Variants in DYNC1H1 observed in about 807,000 individuals in gnomAD.
DYNC1H1 encodes the protein cytoplasmic dynein 1 heavy chain 1.
DYNC1H1 carries 51 observed loss-of-function variants against 527.1 expected under a neutral mutation model. The observed-to-expected ratio is 0.10, with a 90% CI of 0.08 to 0.12. The LOEUF is 0.12. Ranked by LOEUF, DYNC1H1 falls within the 10% of genes least tolerant of loss-of-function variation. DYNC1H1 has a pLI of 1.00. For missense variants in DYNC1H1, 2,771 were observed against 5,971.8 expected (o/e 0.46, Z 17.66); for synonymous variants, 2,189 against 2,278.8 (o/e 0.96, Z 1.12).
At chr14:102,009,311 C>T (rs1006454430) in intron 29 of DYNC1H1, 2 of 161,252 alleles carry the variant, frequency 1.2e-5, no homozygotes, top group Non-Finnish European at 2.7e-5. Flanking sequence ...ATTCCCCAGA[C>T]CTCCTAAATA....
chr14:102,032,987 T>A (rs2048527772), intron 52 of DYNC1H1, 78 bp from the exon 53 acceptor site: 1 of 1,449,466 alleles, frequency 6.9e-7, no homozygotes, highest in South Asian at 1.1e-5. Flanking sequence ...GGCTCTGGTC[T>A]CTTCCATTTT....
At chr14:101,995,628 T>A (rs2048051951) in intron 15 of DYNC1H1, among the ~76,000 whole-genome samples, 1 of 146,938 alleles carries the variant, frequency 6.8e-6, no homozygotes, top group Non-Finnish European at 1.5e-5. Flanking sequence ...AAAAAAAAAA[T>A]TACACTAGAT....
intron 44 of DYNC1H1, 157 bp downstream of exon 44, chr14:102,026,864 T>A: frequency 1.8e-6 from 2 of 1,134,356 alleles, no homozygotes; most frequent in African/African-American, 1.5e-5. Flanking sequence ...AAGTCCAGCT[T>A]AACCATCCTC....
intron 27 of DYNC1H1, 134 bp downstream of exon 27, chr14:102,006,304 G>A (rs2048195855): frequency 7.5e-7 from 1 of 1,339,970 alleles, no homozygotes; most frequent in African/African-American, 1.5e-5. Flanking sequence ...GTGCGATCTT[G>A]GCTCACTGCA....
intron 27 of DYNC1H1, among the ~76,000 whole-genome samples, chr14:102,006,564 A>G (rs914765391): frequency 1.3e-5 from 2 of 149,752 alleles, no homozygotes; most frequent in African/African-American, 4.9e-5. Flanking sequence ...TGGTGTGTAC[A>G]TTCTAAAATC....
chr14:102,036,236 ATTTT>A lies in DYNC1H1; in HGVS notation c.10755-251_10755-248del. The A allele has an allele frequency of 1.1e-5, 5 of 461,694 alleles. No homozygotes were observed. The highest frequency in any genetic ancestry group is 1.0e-4 in the South Asian group (5 of 48,374). 28.6% of individuals were successfully genotyped at this position (461,694 alleles called of 1,614,324 possible). On this transcript the variant is annotated intron_variant, in intron 56 of 77. Transcript: ENST00000360184. The surrounding 1 kb of genome is among the most constrained non-coding windows in gnomAD (Gnocchi z 5.6). ...GGATGATTGTCCCAGAAGGAAAAAG[ATTTT>A]TAACTATGGCCCTCTTGGTGTATGA...
chr14:101,996,177 T>A lies in DYNC1H1; in HGVS notation c.3565-858T>A, dbSNP rs535037303. ...TGGAGTCTCGCTCTGTCACCCAGGT[T>A]GGGGTACAGTGGTGTGATCTCGGCT... On this transcript the variant is annotated intron_variant, in intron 15 of 77. Transcript: ENST00000360184. Among the ~76,000 whole-genome samples, 233 of 151,262 alleles carry A rather than the reference T, an allele frequency of 1.5e-3. 1 individual carries two copies. The highest frequency in any genetic ancestry group is 5.4e-3 in the African/African-American group (224 of 41,270).
intron 29 of DYNC1H1, among the ~76,000 whole-genome samples, chr14:102,008,676 A>G (rs140797778): frequency 7.9e-5 from 12 of 152,222 alleles, no homozygotes; most frequent in Non-Finnish European, 1.6e-4. Context: ...AATCCCAGCT[A>G]TTCGGAAGGC....
At chr14:102,048,469 GA>G (rs2048757739) in intron 73 of DYNC1H1, 46 bp from the exon 74 acceptor site, 2 of 1,613,214 alleles carry the variant, frequency 1.2e-6, no homozygotes, top group Non-Finnish European at 1.7e-6. Context: ...TTACACTGGA[GA>G]AAGGACCTCT....
intron 41 of DYNC1H1, among the ~76,000 whole-genome samples, chr14:102,019,520 C>G (rs1010381418): frequency 6.6e-6 from 1 of 152,174 alleles, no homozygotes; most frequent in African/African-American, 2.4e-5. Flanking sequence ...ATATTTAAAT[C>G]GTTAAATATA....
intron 43 of DYNC1H1, among the ~76,000 whole-genome samples, chr14:102,025,869 G>A (rs530992030): frequency 1.0e-3 from 156 of 152,268 alleles, no homozygotes; most frequent in Admixed American, 1.6e-3. Context: ...TGTAATCCCA[G>A]CACTTTGGGA....
intron 8 of DYNC1H1, among the ~76,000 whole-genome samples, 170 bp from the exon 9 acceptor site, chr14:101,987,283 A>G (rs933625640): frequency 5.3e-5 from 8 of 152,222 alleles, no homozygotes; most frequent in Non-Finnish European, 8.8e-5. Flanking sequence ...CTCTGCAAGG[A>G]CATGCGAGTG....
rs2048660419 is a variant in DYNC1H1, at chr14:102,042,205, A to G, written c.12215-23A>G. 6.2e-7 allele frequency: 1 copy of G among 1,613,982 alleles called. No individual in the cohort carries two copies. The highest frequency in any genetic ancestry group is 8.5e-7 in the Non-Finnish European group (1 of 1,179,996). On this transcript the variant is annotated intron_variant, in intron 66 of 77. Coordinates refer to ENST00000360184, the MANE Select transcript of DYNC1H1 (RefSeq NM_001376.5). This position sits in a 1 kb window ranked among gnomAD's most constrained non-coding sequence, Gnocchi z 5.7. ...ATTGATGTCCGAGGCTGCCGCTGCT[A>G]ACACTAAGTTTCCCTGCACCAGGCT...
At position 102,018,768 on chromosome 14, in the gene DYNC1H1, C is replaced by A; in HGVS notation, c.8343+152C>A. On this transcript the variant is annotated intron_variant, in intron 41 of 77. Transcript: ENST00000360184. This position sits in a 1 kb window ranked among gnomAD's most constrained non-coding sequence, Gnocchi z 5.2. ...TTGAGCCCAGGAGTTTGAGACCAGT[C>A]TGGACAACATGGCAAAACCCTGTCT... is the stretch of plus-strand genomic sequence containing the variant. The A allele has an allele frequency of 9.6e-7, 1 of 1,038,500 alleles. No individual in the cohort carries two copies. Among genetic ancestry groups the A allele is most frequent in the Non-Finnish European group, 1.4e-6 (1 of 699,956 alleles). The allele number at this position is 1,038,500 out of a possible 1,614,324, so 64.3% of individuals were successfully genotyped here.
rs117724973 is a variant in DYNC1H1 at position 102,022,208 on chromosome 14, G to A, written c.8508-543G>A. Among the ~76,000 whole-genome samples the A allele has an allele frequency of 2.8e-4, 43 of 152,088 alleles. No homozygotes were observed. The East Asian group carries it at 8.2e-3, about 29-fold the overall frequency. On this transcript the variant is annotated intron_variant, in intron 42 of 77. Coordinates refer to ENST00000360184, the MANE Select transcript of DYNC1H1 (RefSeq NM_001376.5). ...GCTGTAAGTAAGTAAGTAAGAGTGA[G>A]ACTCTGGGCTGGGCGAGGTGGCTCA...
In DYNC1H1 at chr14:102,005,385, T is replaced by C. The variant is rs903775361; in HGVS notation, c.5433+149T>C. 3 of 1,108,794 alleles carry C rather than the reference T, an allele frequency of 2.7e-6. No individual in the cohort carries two copies. Among genetic ancestry groups the C allele is most frequent in the Non-Finnish European group, 4.1e-6 (3 of 736,028 alleles). 68.7% of individuals were successfully genotyped at this position (1,108,794 alleles called of 1,614,324 possible). On this transcript the variant is annotated intron_variant, in intron 26 of 77. Transcript: ENST00000360184. The surrounding 1 kb of genome is among the most constrained non-coding windows in gnomAD (Gnocchi z 4.0). The stretch of plus-strand genomic sequence containing the variant: ...TGGATATCCTCTGAGGGTGGGCATT[T>C]GGCTCCCTGTCCCTGTTGAAAGGTA...
intron 28 of DYNC1H1, among the ~76,000 whole-genome samples, 165 bp downstream of exon 28, chr14:102,007,273 G>A (rs774528837): frequency 6.6e-6 from 1 of 152,208 alleles, no homozygotes; most frequent in Non-Finnish European, 1.5e-5. Context: ...TGAAGTGTTT[G>A]AGGTGTCCAG....
At chr14:101,996,572 A>G (rs1226505221) in intron 15 of DYNC1H1, among the ~76,000 whole-genome samples, 1 of 152,192 alleles carries the variant, frequency 6.6e-6, no homozygotes, top group African/African-American at 2.4e-5. Context: ...CCCTCTGGCC[A>G]CGATGTCTTA....
chr14:101,966,121 T>A (rs1170456055), intron 1 of DYNC1H1, among the ~76,000 whole-genome samples: 1 of 152,224 alleles, frequency 6.6e-6, no homozygotes, highest in East Asian at 1.9e-4. Context: ...CAAAAAACTG[T>A]ATGGTTCTCT....
Sources: allele counts gnomAD v4.1 joint callset (sites outside exome capture counted in the v4.1 genomes callset), GRCh38; gene constraint gnomAD v4.1.1; non-coding constraint Gnocchi (gnomAD v3.1); transcripts MANE v1.5; gene names NCBI Gene and HGNC (gene_info 2026-07-23, HGNC 2026-07-21).